The following GALNT2 variants were observed in gnomAD, a reference collection of about 807,000 sequenced individuals.
GALNT2 encodes UDP-GalNAc:polypeptide N-acetylgalactosaminyltransferase 2.
A neutral mutation model predicts 81.4 loss-of-function variants in GALNT2; 31 were observed. The ratio of observed to expected loss-of-function variants is 0.38; its 90% CI spans 0.29 to 0.51. The LOEUF (loss-of-function observed/expected upper bound fraction) is 0.51. Among genes scored for constraint, GALNT2 ranks in the 20% least tolerant of loss-of-function variants. The pLI, the probability that GALNT2 is intolerant of heterozygous loss-of-function variation, is 0.87. For synonymous variants in GALNT2, 303 were observed against 287.4 expected, an observed-to-expected ratio of 1.05 and a Z score of -0.55; for missense variants, 629 against 765.7, an observed-to-expected ratio of 0.82 and a Z score of 2.11.
At chr1:230,057,879 G>C (rs1658951243), upstream of GALNT2, 1 of 356,668 alleles carries the variant, frequency 2.8e-6, no homozygotes, top group South Asian at 2.0e-5. Context: ...AGGCAGGAGG[G>C]GTAGGAAATG....
intron 15 of GALNT2, 128 bp downstream of exon 15, chr1:230,274,692 A>T: frequency 3.6e-6 from 4 of 1,109,928 alleles, no homozygotes. Context: ...GTTCTTTTGC[A>T]TCACTGTGAA....
chr1:230,265,650 T>G (rs1666014229), intron 14 of GALNT2, among the ~76,000 whole-genome samples: 2 of 152,232 alleles, frequency 1.3e-5, no homozygotes, highest in Admixed American at 6.5e-5. Context: ...GGCCCTGGTC[T>G]TCCTGCCAGC....
intron 3 of GALNT2, among the ~76,000 whole-genome samples, chr1:230,215,611 A>G (rs910497): frequency 0.57 from 86,521 of 152,108 alleles, 27,303 homozygotes; most frequent in East Asian, 0.9. Context: ...GCCCTGAGCA[A>G]TAATGTCTAT....
Position 230,083,386 on chromosome 1 carries a change from T to C in GALNT2, c.126+15980T>C, listed in dbSNP as rs530899105. On this transcript the variant is annotated intron_variant, in intron 1 of 15. Transcript: ENST00000366672. ...GCAGCTGGGATGACGGAGCAGGGAG[T>C]GGGATGATGGAGCAGGGAGCGGGAT... Among the ~76,000 whole-genome samples the C allele has an allele frequency of 3.7e-3, 398 of 108,816 alleles. 5 individuals carry two copies. The highest frequency in any genetic ancestry group is 0.014 in the African/African-American group (370 of 27,256). The allele number at this position is 108,816 out of a possible 152,430, so 71.4% of individuals were successfully genotyped here.
chr1:230,207,932 A>G (rs1049263300), intron 3 of GALNT2, among the ~76,000 whole-genome samples: 1 of 152,178 alleles, frequency 6.6e-6, no homozygotes, highest in Non-Finnish European at 1.5e-5. Flanking sequence ...TTAAATTGAT[A>G]TATCATAGTT....
At chr1:230,278,560 T>C (rs1666356208) in intron 15 of GALNT2, among the ~76,000 whole-genome samples, 1 of 152,006 alleles carries the variant, frequency 6.6e-6, no homozygotes, top group African/African-American at 2.4e-5. Context: ...TTGATTTGAG[T>C]GTTAGTAAAG....
intron 1 of GALNT2, among the ~76,000 whole-genome samples, chr1:230,143,789 G>A (rs1400817646): frequency 6.6e-6 from 1 of 152,178 alleles, no homozygotes; most frequent in African/African-American, 2.4e-5. Flanking sequence ...CCAACCAGAT[G>A]CCCCCAGCTG....
At chr1:230,067,077 T>C (rs1218090060), upstream of GALNT2, 1 of 154,348 alleles carries the variant, frequency 6.5e-6, no homozygotes, top group Admixed American at 6.6e-5. Context: ...CTTCCTGCTC[T>C]GGTGCCGCGC....
intron 3 of GALNT2, among the ~76,000 whole-genome samples, chr1:230,223,322 G>C (rs1664608298): frequency 6.7e-6 from 1 of 149,066 alleles, no homozygotes; most frequent in Non-Finnish European, 1.5e-5. Context: ...ACTTACTCTT[G>C]ATACATTTTT....
chr1:230,064,794 G>A (rs1259720439), upstream of GALNT2, among the ~76,000 whole-genome samples: 2 of 152,224 alleles, frequency 1.3e-5, no homozygotes, highest in African/African-American at 4.8e-5. Flanking sequence ...TTACAGGCAT[G>A]AGCCACTATG....
rs1201404116 is a variant in GALNT2, at chr1:230,271,646, A to T, written c.1441-2799A>T. On this transcript the variant is annotated intron_variant, in intron 14 of 15. Transcript: ENST00000366672. This position sits in a 1 kb window ranked among gnomAD's most constrained non-coding sequence, Gnocchi z 4.2. ...GCAAGAATAGTTCATAGAACTCAGG[A>T]AAACGGTTTACTTCGTGGCTTACCT... is the stretch of plus-strand genomic sequence containing the variant. Among the ~76,000 whole-genome samples the T allele has an allele frequency of 2.0e-5, 3 of 152,248 alleles. No homozygotes were observed. The highest frequency in any genetic ancestry group is 2.0e-4 in the Admixed American group (3 of 15,286).
intron 1 of GALNT2, among the ~76,000 whole-genome samples, chr1:230,147,625 C>T (rs773140649): frequency 6.6e-6 from 1 of 152,238 alleles, no homozygotes; most frequent in Non-Finnish European, 1.5e-5. Flanking sequence ...GCCTACTCTT[C>T]GATTCTGCGA....
intron 1 of GALNT2, among the ~76,000 whole-genome samples, chr1:230,098,422 C>T (rs763505867): frequency 2.0e-5 from 3 of 151,744 alleles, no homozygotes; most frequent in Non-Finnish European, 2.9e-5. Flanking sequence ...CACTGTTTTG[C>T]GAAAGGCAGG....
chr1:230,234,878 T>C (rs1664977374), intron 3 of GALNT2, among the ~76,000 whole-genome samples: 1 of 152,188 alleles, frequency 6.6e-6, no homozygotes, highest in Non-Finnish European at 1.5e-5. Flanking sequence ...TAGTATATGA[T>C]ACTTTAGCAT....
At chr1:230,098,542 G>T (rs933632949) in intron 1 of GALNT2, among the ~76,000 whole-genome samples, 25 of 151,766 alleles carry the variant, frequency 1.6e-4, no homozygotes, top group Non-Finnish European at 3.1e-4. Context: ...AGCAGAAGCC[G>T]CATCTGTGTC....
intron 2 of GALNT2, among the ~76,000 whole-genome samples, chr1:230,185,696 A>C (rs1163361533): frequency 6.6e-6 from 1 of 152,256 alleles, no homozygotes; most frequent in African/African-American, 2.4e-5. Context: ...TTCTTTCAAA[A>C]TGGTTATTTT....
chr1:230,241,713 C>T (rs1454341067), intron 6 of GALNT2, among the ~76,000 whole-genome samples: 1 of 152,200 alleles, frequency 6.6e-6, no homozygotes, highest in African/African-American at 2.4e-5. Context: ...TCCCAAAGTG[C>T]TGGGATTACA....
intron 1 of GALNT2, among the ~76,000 whole-genome samples, chr1:230,090,018 ACAAGGGTTC>A (rs1204119998): frequency 6.6e-6 from 1 of 152,210 alleles, no homozygotes; most frequent in African/African-American, 2.4e-5. Context: ...CCAACTGTAC[ACAAGGGTTC>A]CAGTTTCTCC....
intron 3 of GALNT2, among the ~76,000 whole-genome samples, chr1:230,235,573 A>C (rs768497671): frequency 1.3e-5 from 2 of 152,204 alleles, no homozygotes; most frequent in African/African-American, 4.8e-5. Flanking sequence ...CCAAGTTCCA[A>C]ATATCACCGG....
Sources: gnomAD v4.1 joint callset for allele counts (sites outside exome capture counted in the v4.1 genomes callset) on GRCh38, gnomAD v4.1.1 for gene constraint, Gnocchi (gnomAD v3.1) non-coding constraint, MANE v1.5 for transcripts, NCBI Gene and HGNC (gene_info 2026-07-23, HGNC 2026-07-21) for gene names.